The following GLIS3 variants were observed in gnomAD, a reference collection of about 807,000 sequenced individuals.
GLIS3 encodes zinc finger protein GLIS3.
Under a neutral mutation model 78.6 loss-of-function variants are expected in GLIS3, and 53 were observed. That is an observed-to-expected ratio of 0.67 (90% CI 0.54 to 0.85). The LOEUF (loss-of-function observed/expected upper bound fraction) is 0.85, where lower values mean the gene tolerates loss of function less well. Ranked by LOEUF, GLIS3 falls within the 40% of genes least tolerant of loss-of-function variation. GLIS3 has a pLI of 0.00. For synonymous variants in GLIS3, 684 were observed against 509.9 expected (o/e 1.34, Z -4.60); for missense variants, 1,703 against 1,231.1 (o/e 1.38, Z -5.74).
intron 4 of GLIS3, among the ~76,000 whole-genome samples, chr9:4,113,509 A>T (rs1831393729): frequency 1.3e-5 from 2 of 152,184 alleles, no homozygotes; most frequent in African/African-American, 4.8e-5. Flanking sequence ...ATGATAATTT[A>T]TTCATTATTG....
At chr9:4,119,524 AAAC>A (rs2130886685) in intron 3 of GLIS3, among the ~76,000 whole-genome samples, 1 of 152,314 alleles carries the variant, frequency 6.6e-6, no homozygotes, top group South Asian at 2.1e-4. Context: ...CAGAAAATGA[AAAC>A]AATATAAAAA....
chr9:4,412,746 T>A, the GLIS3 span, among the ~76,000 whole-genome samples: 12 of 152,208 alleles, frequency 7.9e-5, no homozygotes, highest in Non-Finnish European at 1.5e-5. Context: ...TCCAGTTAAA[T>A]TTAGCCATAA....
upstream of GLIS3, among the ~76,000 whole-genome samples, chr9:4,352,339 T>C (rs1817982732): frequency 1.3e-5 from 2 of 152,258 alleles, no homozygotes; most frequent in Non-Finnish European, 2.9e-5. Flanking sequence ...AAAATTACAC[T>C]GAGCCCTTTG....
At chr9:4,430,278 T>G in the GLIS3 span, among the ~76,000 whole-genome samples, 1 of 152,250 alleles carries the variant, frequency 6.6e-6, no homozygotes, top group African/African-American at 2.4e-5. Context: ...TATTTTTAGA[T>G]CATCCTATGT....
intron 4 of GLIS3, among the ~76,000 whole-genome samples, chr9:4,042,524 C>G (rs1824906177): frequency 6.6e-6 from 1 of 152,232 alleles, no homozygotes; most frequent in Admixed American, 6.5e-5. Flanking sequence ...AGCATAAAAC[C>G]CCTCACCATC....
rs141985853 is a variant in GLIS3, at chr9:3,932,462, A to G, written c.1881T>C (p.Tyr627=). The change falls in exon 6 of 11, where the codon TAT becomes TAC. Residue 627 remains tyrosine (Y), a synonymous_variant. Coordinates refer to ENST00000381971, the MANE Select transcript of GLIS3 (RefSeq NM_001042413.2). Reference sequence around the variant, plus strand: ...TGGTACATCCTGGAATTTGACAAGCATAAGGTTTCTAAATGAGAAAGAAAG... The same window carrying G: ...TGGTACATCCTGGAATTTGACAAGCGTAAGGTTTCTAAATGAGAAAGAAAG... ...HQRTHLDTKP[Y]ACQIPGCTKR... is the part of the protein sequence containing the mutation. The G allele has an allele frequency of 8.9e-4, 1,436 of 1,611,634 alleles. 18 individuals are homozygous for G. In the African/African-American group the frequency reaches 0.017, roughly 19 times the overall value.
At chr9:3,923,276 G>C (rs987606551) in intron 6 of GLIS3, among the ~76,000 whole-genome samples, 5 of 152,124 alleles carry the variant, frequency 3.3e-5, no homozygotes, top group African/African-American at 4.8e-5. Flanking sequence ...GGGCACATAA[G>C]GCCCTTTAGC....
chr9:3,967,486 G>C (rs1229670856), intron 4 of GLIS3, among the ~76,000 whole-genome samples: 4 of 152,094 alleles, frequency 2.6e-5, no homozygotes, highest in African/African-American at 9.7e-5. Context: ...CTGGGCAATA[G>C]AGCGAGACTC....
the GLIS3 span, among the ~76,000 whole-genome samples, chr9:4,467,248 T>G: frequency 6.6e-6 from 1 of 152,202 alleles, no homozygotes; most frequent in Non-Finnish European, 1.5e-5. Flanking sequence ...TTCTACAGAC[T>G]TAAACGTCCC....
intron 2 of GLIS3, among the ~76,000 whole-genome samples, chr9:4,206,350 G>A (rs1359881906): frequency 6.6e-6 from 1 of 152,210 alleles, no homozygotes; most frequent in Non-Finnish European, 1.5e-5. Context: ...GCTTACACAG[G>A]ATCTCTTTCA....
chr9:4,120,001 A>G (rs1267159486), intron 3 of GLIS3, among the ~76,000 whole-genome samples: 1 of 152,262 alleles, frequency 6.6e-6, no homozygotes, highest in Non-Finnish European at 1.5e-5. Context: ...GGTGTGTATC[A>G]GAAGAACCTG....
intron 3 of GLIS3, among the ~76,000 whole-genome samples, chr9:4,125,279 G>C (rs568538498): frequency 6.6e-6 from 1 of 152,140 alleles, no homozygotes; most frequent in South Asian, 2.1e-4. Context: ...AAATATTTAA[G>C]TAGATGGGTA....
At chr9:3,927,808 C>A (rs910006554) in intron 6 of GLIS3, among the ~76,000 whole-genome samples, 7 of 152,180 alleles carry the variant, frequency 4.6e-5, no homozygotes, top group East Asian at 1.9e-4. Context: ...TTGGGTCTAC[C>A]TAAAAGGGAA....
intron 7 of GLIS3, among the ~76,000 whole-genome samples, chr9:3,894,129 CA>C (rs1822654831): frequency 6.6e-6 from 1 of 152,224 alleles, no homozygotes; most frequent in African/African-American, 2.4e-5. Flanking sequence ...TCCTTCTGAC[CA>C]ATTCCAAAAT....
At chr9:4,384,439 C>A in the GLIS3 span, among the ~76,000 whole-genome samples, 2 of 152,016 alleles carry the variant, frequency 1.3e-5, no homozygotes, top group Non-Finnish European at 1.5e-5. Context: ...GACTATTACT[C>A]ATGGTTGATT....
chr9:3,953,803 A>C (rs762929922), intron 4 of GLIS3, among the ~76,000 whole-genome samples: 4,116 of 51,474 alleles, frequency 0.08, 75 homozygotes, highest in Non-Finnish European at 0.13. Context: ...CTCTATATAT[A>C]TATATATATA....
chr9:4,185,681 G>C (rs550509630), intron 2 of GLIS3, among the ~76,000 whole-genome samples: 3 of 152,306 alleles, frequency 2.0e-5, no homozygotes, highest in African/African-American at 7.2e-5. Context: ...AGTCAATCAT[G>C]TGGATAGCAG....
At chr9:3,828,922 C>T (rs750540792) in intron 10 of GLIS3, among the ~76,000 whole-genome samples, 2 of 151,928 alleles carry the variant, frequency 1.3e-5, no homozygotes, top group Admixed American at 6.6e-5. Context: ...GCTGGAGAGT[C>T]GAATTTATTC....
intron 4 of GLIS3, among the ~76,000 whole-genome samples, chr9:3,987,103 A>G (rs1364917089): frequency 6.6e-6 from 1 of 152,218 alleles, no homozygotes; most frequent in Non-Finnish European, 1.5e-5. Flanking sequence ...GGAAAAAATT[A>G]GAAAATTCCA....
Sources: allele counts gnomAD v4.1 joint callset (sites outside exome capture counted in the v4.1 genomes callset), GRCh38; gene constraint gnomAD v4.1.1; transcripts MANE v1.5; gene names NCBI Gene and HGNC (gene_info 2026-07-23, HGNC 2026-07-21).